Variants in TMX3 observed in about 807,000 individuals in gnomAD.
TMX3 encodes the protein protein disulfide-isomerase TMX3.
In TMX3, 40 loss-of-function variants were observed where a neutral mutation model predicts 64.4. The observed-to-expected ratio is 0.62, with a 90% CI of 0.48 to 0.81. The LOEUF (loss-of-function observed/expected upper bound fraction) is 0.81, where lower values mean the gene tolerates loss of function less well. Ranked by LOEUF, TMX3 falls within the 30% of genes least tolerant of loss-of-function variation. TMX3 has a pLI of 0.00. For missense variants in TMX3, 497 were observed against 534.5 expected, an observed-to-expected ratio of 0.93 and a Z score of 0.69; for synonymous variants, 189 against 175.7, an observed-to-expected ratio of 1.08 and a Z score of -0.60.
intron 4 of TMX3, among the ~76,000 whole-genome samples, chr18:68,705,028 G>C (rs999637134): frequency 6.6e-6 from 1 of 152,202 alleles, no homozygotes; most frequent in Admixed American, 6.5e-5. Context: ...TTTACTGAAT[G>C]TCACTATGTG....
intron 10 of TMX3, among the ~76,000 whole-genome samples, chr18:68,684,746 C>T (rs111954037): frequency 9.2e-5 from 14 of 152,226 alleles, no homozygotes; most frequent in African/African-American, 3.1e-4. Context: ...ATAATTTATA[C>T]ACTTAAATAG....
At chr18:68,713,695 G>T in intron 2 of TMX3, 151 bp downstream of exon 2, 1 of 379,732 alleles carries the variant, frequency 2.6e-6, no homozygotes, top group Non-Finnish European at 4.8e-6. Flanking sequence ...ACTCTTCTGG[G>T]CACACCCTCA....
At chr18:68,691,091 T>C in intron 9 of TMX3, 1 of 399,282 alleles carries the variant, frequency 2.5e-6, no homozygotes, top group Non-Finnish European at 4.5e-6. Context: ...AAAAAGAATG[T>C]TGTGTAGGTA....
intron 8 of TMX3, among the ~76,000 whole-genome samples, chr18:68,696,102 T>A (rs1272618600): frequency 6.6e-6 from 1 of 152,210 alleles, no homozygotes; most frequent in Non-Finnish European, 1.5e-5. Flanking sequence ...TCTTGACCAA[T>A]CAACCTACAG....
intron 4 of TMX3, among the ~76,000 whole-genome samples, chr18:68,704,072 C>T (rs770201977): frequency 6.6e-6 from 1 of 152,122 alleles, no homozygotes; most frequent in Non-Finnish European, 1.5e-5. Context: ...TCTGATTCCC[C>T]TTCTGAGAAT....
chr18:68,695,377 A>G (rs1182126588), intron 8 of TMX3, among the ~76,000 whole-genome samples: 3 of 152,028 alleles, frequency 2.0e-5, no homozygotes, highest in African/African-American at 4.8e-5. Context: ...ATTGCTTCCC[A>G]TGTCTGGGAA....
At chr18:68,688,184 G>A (rs944290815) in intron 9 of TMX3, among the ~76,000 whole-genome samples, 2 of 152,088 alleles carry the variant, frequency 1.3e-5, no homozygotes, top group Non-Finnish European at 2.9e-5. Flanking sequence ...TAAACTCATA[G>A]AATGATAAAA....
At chr18:68,691,768 T>C (rs1260800715) in intron 8 of TMX3, among the ~76,000 whole-genome samples, 4 of 152,192 alleles carry the variant, frequency 2.6e-5, no homozygotes, top group Non-Finnish European at 4.4e-5. Flanking sequence ...TTAGGAGAGT[T>C]ATGTCAGATA....
chr18:68,680,180 A>G (rs771522818), intron 14 of TMX3, among the ~76,000 whole-genome samples: 3 of 152,160 alleles, frequency 2.0e-5, no homozygotes, highest in African/African-American at 7.2e-5. Context: ...GACCGAAAGT[A>G]GTTATGTTTG....
At chr18:68,707,784 G>C (rs1299525899) in intron 4 of TMX3, among the ~76,000 whole-genome samples, 1 of 152,006 alleles carries the variant, frequency 6.6e-6, no homozygotes, top group African/African-American at 2.4e-5. Context: ...AGATTTGTCT[G>C]GATCTTTCTT....
Position 68,684,098 on chromosome 18 carries a change from C to G in TMX3, c.848+92G>C, listed in dbSNP as rs563423707. On this transcript the variant is annotated intron_variant, in intron 12 of 15. Coordinates refer to ENST00000299608, the MANE Select transcript of TMX3 (RefSeq NM_019022.5). Reference sequence around the variant, plus strand: ...TTAACTTCATTTCTTTGATTCACCTCTAAAAGCATGAATACTACTAAGTTT... The same window carrying G: ...TTAACTTCATTTCTTTGATTCACCTGTAAAAGCATGAATACTACTAAGTTT... The G allele has an allele frequency of 5.0e-5, 46 of 920,530 alleles. No individual in the cohort carries two copies. In the South Asian group the frequency reaches 6.8e-4, roughly 14 times the overall value. 57.0% of individuals were successfully genotyped at this position (920,530 alleles called of 1,614,324 possible).
At chr18:68,701,586 AGAAGCAG>A in intron 5 of TMX3, 152 bp downstream of exon 5, 1 of 1,497,442 alleles carries the variant, frequency 6.7e-7, no homozygotes. Flanking sequence ...AAAAGCATAA[AGAAGCAG>A]TCCCTCTCCT....
chr18:68,709,376 G>T (rs1320216337), intron 4 of TMX3, among the ~76,000 whole-genome samples: 1 of 152,000 alleles, frequency 6.6e-6, no homozygotes, highest in Non-Finnish European at 1.5e-5. Context: ...GGCTTTCTGG[G>T]GCATACAGCC....
intron 6 of TMX3, among the ~76,000 whole-genome samples, chr18:68,698,638 T>C (rs1915346828): frequency 6.6e-6 from 1 of 152,146 alleles, no homozygotes. Context: ...AAAAATGTTA[T>C]ACAAGCATTT....
intron 13 of TMX3, 41 bp from the exon 14 acceptor site, chr18:68,681,151 G>T: frequency 1.4e-6 from 2 of 1,448,326 alleles, no homozygotes; most frequent in South Asian, 1.6e-5. Flanking sequence ...ATTAAACACA[G>T]CAATAGCAAG....
chr18:68,681,233 T>C (rs1698253702), intron 13 of TMX3, 123 bp from the exon 14 acceptor site: 2 of 883,504 alleles, frequency 2.3e-6, no homozygotes, highest in South Asian at 3.8e-5. Flanking sequence ...GCATATTTTA[T>C]GGTAGAAAAT....
intron 9 of TMX3, chr18:68,690,879 A>G (rs1179230621): frequency 8.9e-5 from 15 of 169,064 alleles, no homozygotes; most frequent in Non-Finnish European, 1.8e-4. Flanking sequence ...GTAAGCAGTC[A>G]TTTCTAACAG....
rs1317755721 is a variant in TMX3, at chr18:68,682,863, T to C, written c.905+62A>G. On this transcript the variant is annotated intron_variant, in intron 13 of 15. Transcript: ENST00000299608. ...CAGCTATTTAATCCTTCTACCTGTA[T>C]CTCAGAAACAAATTTAAAAATTAAT... 2.7e-6 allele frequency: 4 copies of C among 1,465,450 alleles called. No homozygotes were observed. The African/African-American group carries it at 4.2e-5, about 15-fold the overall frequency. The allele number at this position is 1,465,450 out of a possible 1,614,324, so 90.8% of individuals were successfully genotyped here. A position where few individuals can be genotyped will look rare whatever the true frequency, so the allele number is the denominator to read the frequency against.
rs1249721727 is a variant in TMX3 at position 68,708,009 on chromosome 18, GTATATGTGTA to G, written c.265+2002_265+2011del. Among the ~76,000 whole-genome samples, 7 of 142,492 alleles carry G rather than the reference GTATATGTGTA, an allele frequency of 4.9e-5. No individual in the cohort carries two copies. In the East Asian group the frequency reaches 5.9e-4, roughly 12 times the overall value. The allele number at this position is 142,492 out of a possible 152,430, so 93.5% of individuals were successfully genotyped here. On this transcript the variant is annotated intron_variant, in intron 4 of 15. Coordinates refer to ENST00000299608, the MANE Select transcript of TMX3 (RefSeq NM_019022.5). Reference sequence around the variant, plus strand: ...TGTGTATATATGTGTATATATATGTGTATATGTGTATATATGTGTATATGTGTATATATGT... The same window carrying G: ...TGTGTATATATGTGTATATATATGTGTATATGTGTATATGTGTATATATGT...
Sources: gnomAD v4.1 joint callset for allele counts (sites outside exome capture counted in the v4.1 genomes callset) on GRCh38, gnomAD v4.1.1 for gene constraint, MANE v1.5 for transcripts, NCBI Gene and HGNC (gene_info 2026-07-23, HGNC 2026-07-21) for gene names.